Variants in RARB observed in about 807,000 individuals in gnomAD.
RARB encodes retinoic acid receptor beta, also known as HBV-activated protein.
A neutral mutation model predicts 51.9 loss-of-function variants in RARB; 17 were observed. The ratio of observed to expected loss-of-function variants is 0.33; its 90% confidence interval spans 0.22 to 0.49. The LOEUF (loss-of-function observed/expected upper bound fraction) is 0.49. Among genes scored for constraint, RARB ranks in the 20% least tolerant of loss-of-function variants. RARB has a pLI of 0.99. For missense variants in RARB, 369 were observed against 550.8 expected (o/e 0.67, Z 3.30); for synonymous variants, 215 against 195.4 (o/e 1.10, Z -0.84).
chr3:25,540,315 G>C (rs1333318540), intron 3 of RARB, among the ~76,000 whole-genome samples: 1 of 152,148 alleles, frequency 6.6e-6, no homozygotes, highest in African/African-American at 2.4e-5. Context: ...AGCGGTTTAG[G>C]CTTTTTAATC....
intron 5 of RARB, among the ~76,000 whole-genome samples, chr3:25,224,138 TACA>T (rs1480998691): frequency 1.3e-5 from 2 of 152,200 alleles, no homozygotes; most frequent in South Asian, 2.1e-4. Context: ...CCTCAATTCA[TACA>T]ACATTTGGTA....
chr3:24,907,006 G>A (rs1575065271), intron 2 of RARB, among the ~76,000 whole-genome samples: 1 of 152,142 alleles, frequency 6.6e-6, no homozygotes, highest in Non-Finnish European at 1.5e-5. Flanking sequence ...GTCAAATGTA[G>A]ATATCCAGTA....
chr3:24,944,960 CCACAAAG>C (rs899485774), intron 2 of RARB, among the ~76,000 whole-genome samples: 2 of 152,014 alleles, frequency 1.3e-5, no homozygotes, highest in Non-Finnish European at 2.9e-5. Context: ...GAAAAAGTGC[CCACAAAG>C]CACAAAGCAA....
chr3:25,393,899 T>C (rs1399445274), intron 5 of RARB, among the ~76,000 whole-genome samples: 1 of 152,170 alleles, frequency 6.6e-6, no homozygotes, highest in African/African-American at 2.4e-5. Context: ...TTTTTTGTTG[T>C]TTCAATTTCA....
At chr3:24,953,786 T>G (rs1303649251) in intron 2 of RARB, among the ~76,000 whole-genome samples, 1 of 152,172 alleles carries the variant, frequency 6.6e-6, no homozygotes, top group African/African-American at 2.4e-5. Context: ...TTCCAAAGCT[T>G]TTTCTTATCA....
intron 2 of RARB, among the ~76,000 whole-genome samples, chr3:25,499,603 T>G (rs1697193573): frequency 6.6e-6 from 1 of 152,236 alleles, no homozygotes; most frequent in Non-Finnish European, 1.5e-5. Flanking sequence ...ATAAATTGCT[T>G]CTTTTGTCAA....
intron 5 of RARB, among the ~76,000 whole-genome samples, chr3:25,258,188 C>T (rs1200234951): frequency 6.6e-6 from 1 of 152,006 alleles, no homozygotes; most frequent in East Asian, 1.9e-4. Context: ...CTGAGGTTCC[C>T]TTGAACTCAG....
chr3:25,189,417 C>G (rs759489979), intron 5 of RARB, among the ~76,000 whole-genome samples: 15 of 152,126 alleles, frequency 9.9e-5, no homozygotes, highest in Non-Finnish European at 2.1e-4. Context: ...ACTCCCTTGA[C>G]AAGGACCTGA....
At chr3:25,069,705 G>A (rs181488309) in intron 3 of RARB, among the ~76,000 whole-genome samples, 26 of 152,342 alleles carry the variant, frequency 1.7e-4, no homozygotes, top group Admixed American at 5.9e-4. Context: ...ATCTGAAAGC[G>A]GAGGGGGAGG....
chr3:25,403,628 T>C (rs1285315033), intron 5 of RARB, among the ~76,000 whole-genome samples: 1 of 152,026 alleles, frequency 6.6e-6, no homozygotes, highest in Non-Finnish European at 1.5e-5. Flanking sequence ...AAATAAAAAT[T>C]TCAGCTCTGC....
Position 24,990,559 on chromosome 3 carries a change from T to C in RARB, c.-379-69566T>C, listed in dbSNP as rs1696888309. 2.8e-5 allele frequency among the ~76,000 whole-genome samples: 3 copies of C among 108,844 alleles called. 1 individual carries two copies. In the Admixed American group the frequency reaches 3.5e-4, roughly 13 times the overall value. The allele number at this position is 108,844 out of a possible 152,430, so 71.4% of individuals were successfully genotyped here. On this transcript the variant is annotated intron_variant, in intron 2 of 11. Coordinates refer to the RARB transcript ENST00000383772. ...AATGTGAGATATCTGATTTGTTCTT[T>C]TTTGCATTTCTCTCATAAGCCAAGC... is the stretch of plus-strand genomic sequence containing the variant.
intron 5 of RARB, among the ~76,000 whole-genome samples, chr3:25,342,970 A>G (rs4681018): frequency 0.36 from 54,590 of 150,886 alleles, 10,607 homozygotes; most frequent in South Asian, 0.5. Flanking sequence ...GGGGGAGGGG[A>G]AAAGTATTCA....
chr3:25,577,464 A>T (rs1183332136), intron 4 of RARB, among the ~76,000 whole-genome samples: 1 of 152,228 alleles, frequency 6.6e-6, no homozygotes. Flanking sequence ...AAAGGACATC[A>T]GTCTCCAGGA....
intron 2 of RARB, among the ~76,000 whole-genome samples, chr3:24,909,455 T>C (rs1423325493): frequency 1.3e-5 from 2 of 152,166 alleles, no homozygotes; most frequent in Non-Finnish European, 2.9e-5. Context: ...CAGTGAGCTA[T>C]GAAAGAACAG....
intron 5 of RARB, among the ~76,000 whole-genome samples, chr3:25,371,374 C>G (rs1415827009): frequency 1.3e-5 from 2 of 152,128 alleles, no homozygotes; most frequent in African/African-American, 4.8e-5. Context: ...TGGGGCAAAT[C>G]ATAAGCAAGA....
chr3:25,232,217 A>T (rs1439027819), intron 5 of RARB, among the ~76,000 whole-genome samples: 2 of 152,072 alleles, frequency 1.3e-5, no homozygotes, highest in African/African-American at 2.4e-5. Context: ...TACCAATTTT[A>T]TACTGTGTTT....
chr3:25,510,092 A>G (rs934294967), intron 3 of RARB, among the ~76,000 whole-genome samples: 2 of 152,190 alleles, frequency 1.3e-5, no homozygotes, highest in Admixed American at 6.5e-5. Flanking sequence ...CCAAGACTTC[A>G]GGTTATCCCA....
intron 1 of RARB, among the ~76,000 whole-genome samples, chr3:24,849,671 C>T (rs954495924): frequency 6.6e-6 from 1 of 152,226 alleles, no homozygotes; most frequent in Non-Finnish European, 1.5e-5. Flanking sequence ...TAAAGCACAT[C>T]GCAGCATTCT....
intron 5 of RARB, among the ~76,000 whole-genome samples, chr3:25,379,840 G>A (rs1367040501): frequency 6.6e-6 from 1 of 152,120 alleles, no homozygotes; most frequent in Non-Finnish European, 1.5e-5. Flanking sequence ...ATGAGTTAAT[G>A]GTGCCTCTTT....
Sources: gnomAD v4.1 joint callset for allele counts (sites outside exome capture counted in the v4.1 genomes callset) on GRCh38, gnomAD v4.1.1 for gene constraint, MANE v1.5 for transcripts, NCBI Gene and HGNC (gene_info 2026-07-23, HGNC 2026-07-21) for gene names.